Variants in KATNAL1 observed in about 807,000 individuals in gnomAD.
KATNAL1 encodes the protein katanin p60 ATPase-containing subunit A-like 1.
In KATNAL1, 32 loss-of-function variants were observed where a neutral mutation model predicts 55.2. The observed-to-expected ratio is 0.58, with a 90% CI of 0.44 to 0.78. KATNAL1 has a LOEUF of 0.78. Among genes scored for constraint, KATNAL1 ranks in the 30% least tolerant of loss-of-function variants. The pLI, the probability that KATNAL1 is intolerant of heterozygous loss-of-function variation, is 0.00. For synonymous variants in KATNAL1, 193 were observed against 193.6 expected (o/e 1.00, Z 0.02); for missense variants, 466 against 600.9 (o/e 0.78, Z 2.35).
chr13:30,250,177 T>C (rs1258884075), intron 4 of KATNAL1, among the ~76,000 whole-genome samples: 1 of 152,202 alleles, frequency 6.6e-6, no homozygotes, highest in African/African-American at 2.4e-5. Flanking sequence ...GCAAATGCTA[T>C]AAATCAGGGC....
At chr13:30,306,623 T>C (rs1025384532) in intron 1 of KATNAL1, 1 of 152,216 alleles carries the variant, frequency 6.6e-6, no homozygotes, top group Admixed American at 6.5e-5. Flanking sequence ...TAATTACCAA[T>C]TGATGGGTTT....
intron 3 of KATNAL1, among the ~76,000 whole-genome samples, chr13:30,268,862 A>C (rs1413997160): frequency 6.6e-6 from 1 of 152,204 alleles, no homozygotes; most frequent in Non-Finnish European, 1.5e-5. Flanking sequence ...TTCTTTCAAC[A>C]AATACTTACT....
intron 4 of KATNAL1, among the ~76,000 whole-genome samples, chr13:30,248,662 C>T (rs1349354656): frequency 2.0e-5 from 3 of 152,224 alleles, no homozygotes; most frequent in Admixed American, 6.5e-5. Flanking sequence ...CAATGGCTCA[C>T]GCCTGGATTC....
At chr13:30,236,121 AAAGCCATGTGT>A (rs1271613422) in intron 6 of KATNAL1, among the ~76,000 whole-genome samples, 4 of 152,208 alleles carry the variant, frequency 2.6e-5, no homozygotes, top group African/African-American at 9.7e-5. Flanking sequence ...AGGCAGAAGA[AAAGCCATGTGT>A]AAGGGGACCC....
At chr13:30,227,369 A>T in intron 9 of KATNAL1, 43 bp downstream of exon 9, 1 of 1,576,516 alleles carries the variant, frequency 6.3e-7, no homozygotes, top group Non-Finnish European at 8.7e-7. Flanking sequence ...TGGGAAAGGT[A>T]ACAAAAAGTA....
rs751775095 is a variant in KATNAL1, at chr13:30,240,540, C to T, written c.646G>A (p.Ala216Thr). The change falls in exon 6 of 11, where the codon GCT (alanine) becomes ACT (threonine). Residue 216 changes from alanine (A) to threonine (T), a missense_variant. Ala to Thr is a moderately conservative substitution (Grantham distance 58). Coordinates refer to ENST00000380615, the MANE Select transcript of KATNAL1 (RefSeq NM_032116.5). Reference sequence around the variant, plus strand: ...ACAGCTTCCCTTAGCAACTTCTTAGCTTCTTCCAGATCTGCTATGTCATCC... The same window carrying T: ...ACAGCTTCCCTTAGCAACTTCTTAGTTTCTTCCAGATCTGCTATGTCATCC... ...HWDDIADLEE[A>T]KKLLREAVVL... 11 of 1,613,442 alleles carry T rather than the reference C, an allele frequency of 6.8e-6. No homozygotes were observed. The highest frequency in any genetic ancestry group is 2.7e-5 in the African/African-American group (2 of 74,938).
At chr13:30,249,816 C>T (rs1196018220) in intron 4 of KATNAL1, among the ~76,000 whole-genome samples, 2 of 152,146 alleles carry the variant, frequency 1.3e-5, no homozygotes, top group African/African-American at 4.8e-5. Flanking sequence ...CATTGAATTA[C>T]AAGGCTTACA....
chr13:30,210,536 C>A (rs1873588232), intron 9 of KATNAL1, 94 bp from the exon 10 acceptor site: 1 of 1,119,812 alleles, frequency 8.9e-7, no homozygotes, highest in Non-Finnish European at 1.3e-6. Flanking sequence ...AAAAATGAGG[C>A]CAATGCAAAG....
chr13:30,250,954 C>T (rs1045046677), intron 4 of KATNAL1, among the ~76,000 whole-genome samples: 6 of 151,980 alleles, frequency 3.9e-5, no homozygotes, highest in African/African-American at 7.2e-5. Flanking sequence ...CTGGATAACA[C>T]GGTGAAACCC....
At chr13:30,302,860 C>T (rs551436437) in intron 1 of KATNAL1, among the ~76,000 whole-genome samples, 1 of 152,230 alleles carries the variant, frequency 6.6e-6, no homozygotes, top group South Asian at 2.1e-4. Flanking sequence ...AAATGCAAGG[C>T]ACATGTGTTT....
intron 3 of KATNAL1, among the ~76,000 whole-genome samples, chr13:30,273,624 A>G (rs1880542204): frequency 6.6e-6 from 1 of 152,244 alleles, no homozygotes; most frequent in African/African-American, 2.4e-5. Flanking sequence ...TACTCAGTCT[A>G]AAAATAGGGT....
chr13:30,288,885 G>T (rs1366107642), intron 1 of KATNAL1, among the ~76,000 whole-genome samples: 1 of 152,144 alleles, frequency 6.6e-6, no homozygotes, highest in Non-Finnish European at 1.5e-5. Context: ...TGACACTACT[G>T]GTTCAAGATT....
chr13:30,254,000 C>A (rs1018506282), intron 4 of KATNAL1, among the ~76,000 whole-genome samples: 4 of 152,168 alleles, frequency 2.6e-5, no homozygotes, highest in African/African-American at 9.7e-5. Context: ...GGGATTGCTT[C>A]ATGAATTACT....
At position 30,304,302 on chromosome 13, in the gene KATNAL1, G is replaced by A. The variant is rs1463084039; in HGVS notation, c.-15+3029C>T. On this transcript the variant is annotated intron_variant, in intron 1 of 10. Transcript: ENST00000380615. ...TTTTTTTTTCCTGACACGGAGTCTC[G>A]CTCTGTCACCAGGCTGGAGTGCAGC... Among the ~76,000 whole-genome samples, 18 of 141,532 alleles carry A rather than the reference G, an allele frequency of 1.3e-4. 1 individual carries two copies. The highest frequency in any genetic ancestry group is 4.5e-4 in the Admixed American group (6 of 13,464). 92.9% of individuals were successfully genotyped at this position (141,532 alleles called of 152,430 possible). A position where few individuals can be genotyped will look rare whatever the true frequency, so the allele number is the denominator to read the frequency against.
At chr13:30,224,639 T>A (rs9506276) in intron 9 of KATNAL1, among the ~76,000 whole-genome samples, 28 of 150,422 alleles carry the variant, frequency 1.9e-4, no homozygotes, top group Admixed American at 4.6e-4. Flanking sequence ...AAAAAAAAAA[T>A]TTTTTTAACA....
chr13:30,231,919 C>T (rs202088), intron 6 of KATNAL1, among the ~76,000 whole-genome samples: 135,268 of 152,240 alleles, frequency 0.89, 60,143 homozygotes, highest in East Asian at 0.92. Flanking sequence ...ATTTATAATA[C>T]ACAGCTTTCA....
At chr13:30,221,581 T>C (rs1874860311) in intron 9 of KATNAL1, among the ~76,000 whole-genome samples, 1 of 152,246 alleles carries the variant, frequency 6.6e-6, no homozygotes, top group South Asian at 2.1e-4. Flanking sequence ...GATTATCCAT[T>C]TCTGAATAAA....
intron 3 of KATNAL1, among the ~76,000 whole-genome samples, chr13:30,275,054 G>A (rs574080262): frequency 1.4e-4 from 22 of 152,244 alleles, no homozygotes; most frequent in African/African-American, 5.3e-4. Context: ...ATCTGACTGT[G>A]TTAGTCTGTT....
rs187594877 is a variant in KATNAL1, at chr13:30,294,300, G to A, written c.-14-10509C>T. Among the ~76,000 whole-genome samples the A allele has an allele frequency of 3.6e-3, 554 of 152,310 alleles. 17 individuals carry two copies. The highest frequency in any genetic ancestry group is 0.03 in the Admixed American group (466 of 15,300). On this transcript the variant is annotated intron_variant, in intron 1 of 10. Transcript: ENST00000380615. ...TTGTAAATGCAAAGAAGAAGTTCTT[G>A]AAAGAAATTAAAAGTGCTACTCCAG... is the stretch of plus-strand genomic sequence containing the variant.
Sources: gnomAD v4.1 joint callset for allele counts (sites outside exome capture counted in the v4.1 genomes callset) on GRCh38, gnomAD v4.1.1 for gene constraint, MANE v1.5 for transcripts, NCBI Gene and HGNC (gene_info 2026-07-23, HGNC 2026-07-21) for gene names.